SMG6: variants seen among roughly 807,000 people sequenced by gnomAD.
SMG6 encodes SMG6 nonsense mediated mRNA decay factor.
Under a neutral mutation model 142.2 loss-of-function variants are expected in SMG6, and 66 were observed. That is an observed-to-expected ratio of 0.46 (90% CI 0.38 to 0.57). SMG6 has a LOEUF of 0.57. Ranked by LOEUF, SMG6 falls within the 20% of genes least tolerant of loss-of-function variation. SMG6 has a pLI of 0.00. For missense variants in SMG6, 1,793 were observed against 1,832.0 expected, an observed-to-expected ratio of 0.98 and a Z score of 0.39; for synonymous variants, 779 against 702.4, an observed-to-expected ratio of 1.11 and a Z score of -1.72.
At chr17:2,245,730 G>A (rs1423175841) in intron 8 of SMG6, among the ~76,000 whole-genome samples, 2 of 152,174 alleles carry the variant, frequency 1.3e-5, no homozygotes, top group Admixed American at 6.5e-5. Context: ...GCCCAGACTG[G>A]AGCACAGTGG....
At chr17:2,199,305 G>A (rs1055624551) in intron 10 of SMG6, among the ~76,000 whole-genome samples, 1 of 152,150 alleles carries the variant, frequency 6.6e-6, no homozygotes, top group East Asian at 1.9e-4. Flanking sequence ...CATTTTTGGT[G>A]TTGCTTTGGA....
chr17:2,123,424 A>T (rs1239982896), intron 13 of SMG6, among the ~76,000 whole-genome samples: 1 of 152,216 alleles, frequency 6.6e-6, no homozygotes, highest in Admixed American at 6.5e-5. Context: ...GGAAGGAAGG[A>T]ATGGAAGTGT....
At chr17:2,118,479 C>A (rs949312606) in intron 13 of SMG6, among the ~76,000 whole-genome samples, 4 of 151,982 alleles carry the variant, frequency 2.6e-5, no homozygotes, top group African/African-American at 7.3e-5. Context: ...GTAGAGGTAG[C>A]AGTGAGCCAA....
At chr17:2,217,487 G>A in intron 10 of SMG6, among the ~76,000 whole-genome samples, 1 of 152,086 alleles carries the variant, frequency 6.6e-6, no homozygotes, top group East Asian at 1.9e-4. Flanking sequence ...TTTGGCAGCT[G>A]ACCACTCCCA....
rs570863538 is a variant in SMG6 at position 2,112,235 on chromosome 17, T to C, written c.3358-26334A>G. ...AAAAAAAAAAGTCGGCCGGGCGCGG[T>C]GGCTCACGCCTGTAATCCCAGCACT... is the stretch of plus-strand genomic sequence containing the variant. On this transcript the variant is annotated intron_variant, in intron 13 of 18. Coordinates refer to ENST00000263073, the MANE Select transcript of SMG6 (RefSeq NM_017575.5). 5.4e-4 allele frequency among the ~76,000 whole-genome samples: 82 copies of C among 150,700 alleles called. 1 individual carries two copies. The highest frequency in any genetic ancestry group is 3.8e-3 in the Admixed American group (58 of 15,112).
At chr17:2,258,993 G>A (rs1364817894) in intron 8 of SMG6, among the ~76,000 whole-genome samples, 1 of 151,606 alleles carries the variant, frequency 6.6e-6, no homozygotes, top group Non-Finnish European at 1.5e-5. Flanking sequence ...TAGGAGAATT[G>A]CTTCAACCCA....
intron 13 of SMG6, among the ~76,000 whole-genome samples, chr17:2,135,998 G>A (rs909305285): frequency 9.2e-4 from 17 of 18,502 alleles, no homozygotes; most frequent in African/African-American, 2.8e-3. Context: ...ATATATTTAT[G>A]TGTGTGTGTG....
chr17:2,121,626 T>TA (rs2069700591), intron 13 of SMG6, among the ~76,000 whole-genome samples: 2 of 65,750 alleles, frequency 3.0e-5, no homozygotes, highest in African/African-American at 9.5e-5. Context: ...TGTGTGTGTG[T>TA]GTGTGTGTGT....
intron 13 of SMG6, among the ~76,000 whole-genome samples, chr17:2,143,477 CA>C (rs778387486): frequency 1.4e-4 from 21 of 152,054 alleles, no homozygotes; most frequent in Admixed American, 2.6e-4. Context: ...ACACCAGATA[CA>C]AAAGGCCATA....
intron 10 of SMG6, among the ~76,000 whole-genome samples, chr17:2,198,370 T>A (rs78843844): frequency 4.6e-5 from 7 of 152,188 alleles, no homozygotes; most frequent in African/African-American, 1.4e-4. Context: ...TTCTAAAGCA[T>A]AGAGCAGGAA....
At chr17:2,267,938 G>A (rs745722361) in intron 8 of SMG6, among the ~76,000 whole-genome samples, 27 of 151,984 alleles carry the variant, frequency 1.8e-4, no homozygotes, top group Admixed American at 2.0e-4. Flanking sequence ...TAGTAGAGAC[G>A]GGGTTTCACC....
At chr17:2,145,626 G>A (rs1389689741) in intron 13 of SMG6, among the ~76,000 whole-genome samples, 1 of 117,300 alleles carries the variant, frequency 8.5e-6, no homozygotes, top group African/African-American at 3.4e-5. Context: ...TGGTGACAGA[G>A]CAAGGCTCCA....
intron 15 of SMG6, among the ~76,000 whole-genome samples, chr17:2,073,907 C>T (rs2068184238): frequency 6.6e-6 from 1 of 151,090 alleles, no homozygotes; most frequent in South Asian, 2.1e-4. Flanking sequence ...AGTAAAACCC[C>T]ATCTCTACTA....
In SMG6 at chr17:2,062,402, T is replaced by C. The variant is rs560951297; in HGVS notation, c.4130-780A>G. 2.6e-5 allele frequency: 4 copies of C among 152,352 alleles called. No homozygotes were observed. The East Asian group carries it at 7.7e-4, about 29-fold the overall frequency. 9.4% of individuals were successfully genotyped at this position (152,352 alleles called of 1,614,324 possible). A position where few individuals can be genotyped will look rare whatever the true frequency, so the allele number is the denominator to read the frequency against. ...CATACACTTGGACATATAACCTTTT[T>C]TTCCTACAGCATCATGATCATATTA... is the stretch of plus-strand genomic sequence containing the variant. On this transcript the variant is annotated intron_variant, in intron 18 of 18. Transcript: ENST00000263073.
At chr17:2,268,472 G>C (rs2074471953) in intron 8 of SMG6, among the ~76,000 whole-genome samples, 1 of 152,126 alleles carries the variant, frequency 6.6e-6, no homozygotes, top group African/African-American at 2.4e-5. Context: ...GACAAATGAT[G>C]AGTCTAAAGA....
intron 13 of SMG6, among the ~76,000 whole-genome samples, chr17:2,168,060 G>C (rs1426704085): frequency 1.3e-5 from 2 of 152,032 alleles, no homozygotes; most frequent in Non-Finnish European, 2.9e-5. Context: ...TAGGGACAAG[G>C]CCTCACTATG....
At position 2,299,587 on chromosome 17, in the gene SMG6, G is replaced by A; in HGVS notation, c.1166C>T (p.Ser389Phe). 3 of 1,614,182 alleles carry A rather than the reference G, an allele frequency of 1.9e-6. No homozygotes were observed. The highest frequency in any genetic ancestry group is 2.5e-6 in the Non-Finnish European group (3 of 1,180,030). ...CGGGTTTTTGGACTCCTGCTTCTCA[G>A]AGCCTTTGCCCCCACTGCTCAAGCC... Reference protein sequence around the residue: ...DKGLSSGGKGSEKQESKNPKQ... With the variant: ...DKGLSSGGKGFEKQESKNPKQ... The change falls in exon 2 of 19, where the codon TCT becomes TTT. Residue 389 changes from serine to phenylalanine, a missense_variant. Ser to Phe is a radical substitution (Grantham distance 155, BLOSUM62 -2). Around this residue, in one of 3 missense-constraint regions of SMG6, gnomAD observed 1,597 missense variants for 1,584.6 expected, o/e 1.01. Coordinates refer to ENST00000263073, the MANE Select transcript of SMG6 (RefSeq NM_017575.5). The surrounding 1 kb of genome is among the most constrained non-coding windows in gnomAD (Gnocchi z 4.3).
chr17:2,248,350 C>T (rs1458000837), intron 8 of SMG6, among the ~76,000 whole-genome samples: 1 of 152,218 alleles, frequency 6.6e-6, no homozygotes, highest in South Asian at 2.1e-4. Context: ...ACTAAGAAGC[C>T]GTTCAAGTTT....
chr17:2,121,434 G>A (rs2069684461), intron 13 of SMG6, among the ~76,000 whole-genome samples: 1 of 152,032 alleles, frequency 6.6e-6, no homozygotes, highest in African/African-American at 2.4e-5. Flanking sequence ...CCATTTATAT[G>A]GGGTTCTAAA....
Sources: gnomAD v4.1 joint callset for allele counts (sites outside exome capture counted in the v4.1 genomes callset) on GRCh38, gnomAD v4.1.1 for gene constraint, gnomAD v4.1.1 regional missense constraint, Gnocchi (gnomAD v3.1) non-coding constraint, MANE v1.5 for transcripts, NCBI Gene and HGNC (gene_info 2026-07-23, HGNC 2026-07-21) for gene names.